The following DST variants were observed in gnomAD, a reference collection of about 807,000 sequenced individuals.
DST encodes the protein dystonin.
DST carries 253 observed loss-of-function variants against 875.2 expected under a neutral mutation model. The observed-to-expected ratio is 0.29, with a 90% CI of 0.26 to 0.32. The LOEUF (loss-of-function observed/expected upper bound fraction) is 0.32. Ranked by LOEUF, DST falls within the 10% of genes least tolerant of loss-of-function variation. DST has a pLI of 1.00. For synonymous variants in DST, 3,124 were observed against 3,197.1 expected (o/e 0.98, Z 0.77); for missense variants, 8,287 against 9,111.6 (o/e 0.91, Z 3.68).
chr6:56,509,788 A>G lies in DST; in HGVS notation c.18866T>C (p.Val6289Ala), dbSNP rs1583501111. Residue 6289 changes from valine to alanine, a missense_variant, in exon 74 of 104, where the codon GTT becomes GCT. By Grantham distance (64) the Val-to-Ala change is moderately conservative. This residue lies in a region of DST where 1,292 missense variants were observed against 1,552.7 expected (regional missense o/e 0.83). Coordinates refer to ENST00000680361, the MANE Select transcript of DST (RefSeq NM_001374736.1). ...ACTGATCTGTTCCTTGATCTTCTCA[A>G]CCTCTGCAGAGATAGAGGGTGGCTG... ...LRQPPSISAE[V>A]EKIKEQISEN... is the part of the protein sequence containing the mutation. The G allele has an allele frequency of 1.2e-6, 2 of 1,613,430 alleles. No individual in the cohort carries two copies. Among genetic ancestry groups the G allele is most frequent in the South Asian group, 1.1e-5 (1 of 91,046 alleles).
At chr6:56,941,974 TTA>T (rs1327830345) in intron 2 of DST, among the ~76,000 whole-genome samples, 3 of 152,224 alleles carry the variant, frequency 2.0e-5, no homozygotes, top group African/African-American at 7.2e-5. Flanking sequence ...TTTGAAATGT[TTA>T]TGTCATACCT....
Position 56,535,158 on chromosome 6 carries a change from C to T in DST, c.16905G>A (p.Glu5635=). 6.2e-7 allele frequency: 1 copy of T among 1,613,832 alleles called. No homozygotes were observed. Among genetic ancestry groups the T allele is most frequent in the Non-Finnish European group, 8.5e-7 (1 of 1,179,830 alleles). Residue 5635 remains glutamate, a synonymous_variant, in exon 63 of 104, where the codon GAG becomes GAA. Coordinates refer to ENST00000680361, the MANE Select transcript of DST (RefSeq NM_001374736.1). The part of the protein sequence containing the change: ...LVANQKPPSA[E]FKVVKAQIQE... ...GTATCTGGGCCTTTACCACTTTGAA[C>T]TCAGCCGACGGGGGCTTCTGATTGG...
chr6:56,462,978 C>T (rs573044678), intron 102 of DST, 68 bp downstream of exon 102: 42 of 860,226 alleles, frequency 4.9e-5, no homozygotes, highest in Non-Finnish European at 7.1e-5. Context: ...AGTGGTGCAA[C>T]GATGTTAGTG....
intron 49 of DST, among the ~76,000 whole-genome samples, chr6:56,580,383 CA>C (rs1182595088): frequency 6.7e-6 from 1 of 150,292 alleles, no homozygotes; most frequent in East Asian, 1.9e-4. Context: ...CTTGTCTTTA[CA>C]AAAAAAAATT....
In DST at chr6:56,725,390, G is replaced by T. The variant is rs187308312; in HGVS notation, c.687+9838C>A. On this transcript the variant is annotated intron_variant, in intron 5 of 103. Transcript: ENST00000680361. The stretch of plus-strand genomic sequence containing the variant: ...TTTATTTCCCAGCGGGATGGCTAAT[G>T]TGCTCTATCATTCACAGACTACAGT... Among the ~76,000 whole-genome samples, 3 of 152,246 alleles carry T rather than the reference G, an allele frequency of 2.0e-5. No individual in the cohort carries two copies. The East Asian group carries it at 5.8e-4, about 29-fold the overall frequency.
chr6:56,841,667 T>G (rs538863732), intron 4 of DST, among the ~76,000 whole-genome samples: 3 of 152,350 alleles, frequency 2.0e-5, no homozygotes, highest in Admixed American at 6.5e-5. Context: ...ACTTTAGAAC[T>G]TTCAGATTTT....
chr6:56,506,343 T>C (rs1210370441), intron 77 of DST, 100 bp downstream of exon 77: 3 of 893,412 alleles, frequency 3.4e-6, no homozygotes, highest in East Asian at 5.3e-5. Flanking sequence ...CACAATTGCA[T>C]ATGCACTGGC....
chr6:56,864,170 G>A (rs1029111552), intron 3 of DST: 2 of 152,154 alleles, frequency 1.3e-5, no homozygotes, highest in African/African-American at 4.8e-5. Context: ...CTGCAACATA[G>A]AGACCTTGCC....
intron 9 of DST, among the ~76,000 whole-genome samples, chr6:56,686,341 A>G (rs570047096): frequency 6.6e-6 from 1 of 152,296 alleles, no homozygotes; most frequent in South Asian, 2.1e-4. Context: ...AAAACTACCT[A>G]TCAAGTATTA....
At position 56,639,620 on chromosome 6, in the gene DST, AGGAAAATCAT is replaced by A; in HGVS notation, c.2698-19_2698-10del. The A allele has an allele frequency of 6.2e-7, 1 of 1,613,820 alleles. No individual in the cohort carries two copies. The highest frequency in any genetic ancestry group is 8.5e-7 in the Non-Finnish European group (1 of 1,179,840). On this transcript the variant is annotated splice_polypyrimidine_tract_variant and intron_variant, in intron 20 of 103. Coordinates refer to ENST00000680361, the MANE Select transcript of DST (RefSeq NM_001374736.1). ...TGATTCCTGGATGTATTCTTTAGTAAGGAAAATCATCATAAGAATCATGTTTTTGCCAAAT... is the reference window on the plus strand; with the variant it reads ...TGATTCCTGGATGTATTCTTTAGTAACATAAGAATCATGTTTTTGCCAAAT...
At chr6:56,865,253 C>T (rs1036849600) in intron 3 of DST, among the ~76,000 whole-genome samples, 1 of 147,344 alleles carries the variant, frequency 6.8e-6, no homozygotes, top group Non-Finnish European at 1.5e-5. Context: ...CCCTGCTTCC[C>T]TAGTTTTCTG....
rs144810945 is a variant in DST at position 56,482,187 on chromosome 6, T to TCA, written c.21403-11_21403-10dup. On this transcript the variant is annotated splice_polypyrimidine_tract_variant and intron_variant, in intron 89 of 103. Transcript: ENST00000680361. ...GAGTGGAATTCCTCTGCCTAAGAGT[T>TCA]CACACACACACACACCCCAAACAAA... 2.5e-4 allele frequency: 403 copies of TCA among 1,590,178 alleles called. No individual in the cohort carries two copies. The highest frequency in any genetic ancestry group is 3.0e-4 in the Non-Finnish European group (352 of 1,161,160).
At chr6:56,920,811 C>T (rs553320262) in intron 2 of DST, among the ~76,000 whole-genome samples, 2 of 149,378 alleles carry the variant, frequency 1.3e-5, no homozygotes, top group Admixed American at 1.3e-4. Context: ...TCACTGCAGC[C>T]TCGACCTCCT....
rs763083430 is a variant in DST at position 56,606,308 on chromosome 6, T to C, written c.8320A>G (p.Thr2774Ala). The change falls in exon 40 of 104, where the codon ACT (threonine) becomes GCT (alanine). Residue 2774 changes from threonine (T) to alanine (A), a missense_variant. Around this residue, in one of 10 missense-constraint regions of DST, gnomAD observed 3,138 missense variants for 3,116.6 expected, o/e 1.01. Transcript: ENST00000680361. Reference protein sequence around the residue: ...SWRGRKEEYVTGQEFHSDTDH... With the variant: ...SWRGRKEEYVAGQEFHSDTDH... The stretch of plus-strand genomic sequence containing the variant: ...GTATCGGAGTGAAATTCCTGTCCAG[T>C]TACATACTCTTCCTTTCTTCCTCTC... 1 of 1,606,010 alleles carries C rather than the reference T, an allele frequency of 6.2e-7. No individual in the cohort carries two copies. Among genetic ancestry groups the C allele is most frequent in the Admixed American group, 1.7e-5 (1 of 58,390 alleles).
At chr6:56,603,073 T>C in intron 42 of DST, 42 bp from the exon 43 acceptor site, 1 of 1,546,598 alleles carries the variant, frequency 6.5e-7, no homozygotes, top group South Asian at 1.3e-5. Context: ...TTCCCCAAAA[T>C]GTCAAATTCT....
Position 56,650,997 on chromosome 6 carries a change from T to G in DST, c.1363A>C (p.Ile455Leu). Reference sequence around the variant, plus strand: ...TCATAGAGAGATGACACGTAAGTTATTACTGATTTTTCATCAGGTGAGGAG... The same window carrying G: ...TCATAGAGAGATGACACGTAAGTTAGTACTGATTTTTCATCAGGTGAGGAG... ...DVSSPDEKSV[I>L]TYVSSLYDAF... Residue 455 changes from isoleucine (I) to leucine (L), a missense_variant, in exon 12 of 104, where the codon ATA becomes CTA. Coordinates refer to ENST00000680361, the MANE Select transcript of DST (RefSeq NM_001374736.1). The G allele has an allele frequency of 6.2e-7, 1 of 1,613,074 alleles. No individual in the cohort carries two copies. Among genetic ancestry groups the G allele is most frequent in the Non-Finnish European group, 8.5e-7 (1 of 1,179,286 alleles).
At chr6:56,718,319 C>T (rs1427722902) in intron 5 of DST, among the ~76,000 whole-genome samples, 1 of 152,154 alleles carries the variant, frequency 6.6e-6, no homozygotes, top group Admixed American at 6.5e-5. Context: ...AGATGCTCAA[C>T]ATTATTAGTC....
At chr6:56,620,249 C>T in intron 36 of DST, 1 of 1,614,000 alleles carries the variant, frequency 6.2e-7, no homozygotes, top group Non-Finnish European at 8.5e-7. Context: ...ATCATTGAGA[C>T]TTAAATCTTT....
intron 36 of DST, chr6:56,617,438 A>G (rs1364884592): frequency 6.3e-7 from 1 of 1,594,772 alleles, no homozygotes; most frequent in Admixed American, 1.7e-5. Context: ...GAATTTATAA[A>G]ATGTTAAAAG....
Sources: gnomAD v4.1 joint callset for allele counts (sites outside exome capture counted in the v4.1 genomes callset) on GRCh38, gnomAD v4.1.1 for gene constraint, gnomAD v4.1.1 regional missense constraint, MANE v1.5 for transcripts, NCBI Gene and HGNC (gene_info 2026-07-23, HGNC 2026-07-21) for gene names.